Variants in CTNNA1 observed in about 807,000 individuals in gnomAD.
CTNNA1 encodes the protein catenin alpha-1.
A neutral mutation model predicts 98.4 loss-of-function variants in CTNNA1; 37 were observed. The ratio of observed to expected loss-of-function variants is 0.38; its 90% CI spans 0.29 to 0.49. The LOEUF (loss-of-function observed/expected upper bound fraction) is 0.49, where lower values mean the gene tolerates loss of function less well. Ranked by LOEUF, CTNNA1 falls within the 20% of genes least tolerant of loss-of-function variation. The probability of loss-of-function intolerance (pLI) is 0.95; values close to 1 mark genes in which losing one functional copy is unlikely to be tolerated. For synonymous variants in CTNNA1, 404 were observed against 413.2 expected, an observed-to-expected ratio of 0.98 and a Z score of 0.27; for missense variants, 761 against 1,147.2, an observed-to-expected ratio of 0.66 and a Z score of 4.86.
intron 11 of CTNNA1, among the ~76,000 whole-genome samples, chr5:138,918,989 C>G (rs569430246): frequency 1.6e-4 from 24 of 152,222 alleles, no homozygotes; most frequent in Non-Finnish European, 3.1e-4. Context: ...TCTTCACACT[C>G]TCTCCTTAGG....
At chr5:138,921,403 A>G (rs1338124503) in intron 11 of CTNNA1, among the ~76,000 whole-genome samples, 1 of 152,164 alleles carries the variant, frequency 6.6e-6, no homozygotes, top group Non-Finnish European at 1.5e-5. Context: ...AATGCTTTGG[A>G]GCAACACTTG....
At chr5:138,768,427 C>T (rs568883695) in intron 1 of CTNNA1, among the ~76,000 whole-genome samples, 1 of 145,614 alleles carries the variant, frequency 6.9e-6, no homozygotes, top group Non-Finnish European at 1.5e-5. Context: ...CCCAGCTAAG[C>T]TTTTTTTTTT....
chr5:138,823,600 A>G (rs988498079), intron 5 of CTNNA1, among the ~76,000 whole-genome samples: 5 of 152,122 alleles, frequency 3.3e-5, no homozygotes, highest in Non-Finnish European at 5.9e-5. Context: ...ATCCTCACCT[A>G]TTTATGTAGT....
intron 7 of CTNNA1, chr5:138,872,893 C>T: frequency 1.5e-6 from 1 of 646,942 alleles, no homozygotes; most frequent in Non-Finnish European, 2.5e-6. Context: ...ACTAAGTCTC[C>T]ACTTAGTTTG....
intron 3 of CTNNA1, among the ~76,000 whole-genome samples, chr5:138,807,109 C>A (rs897810553): frequency 6.7e-6 from 1 of 149,368 alleles, no homozygotes; most frequent in African/African-American, 2.5e-5. Context: ...CTCCTGGGTT[C>A]AAGTGATTTT....
chr5:138,769,221 A>C (rs1753260385), intron 1 of CTNNA1, among the ~76,000 whole-genome samples: 1 of 151,836 alleles, frequency 6.6e-6, no homozygotes, highest in South Asian at 2.1e-4. Flanking sequence ...AGTCTGGGTA[A>C]CTTCTCAGAC....
intron 8 of CTNNA1, among the ~76,000 whole-genome samples, chr5:138,886,680 T>A (rs1754103069): frequency 6.6e-6 from 1 of 152,182 alleles, no homozygotes; most frequent in African/African-American, 2.4e-5. Flanking sequence ...ACACTTGCAG[T>A]TCCCTTAGAT....
At chr5:138,912,366 C>G (rs1429423462) in intron 10 of CTNNA1, among the ~76,000 whole-genome samples, 1 of 151,858 alleles carries the variant, frequency 6.6e-6, no homozygotes, top group Non-Finnish European at 1.5e-5. Context: ...TTGAGGAAAT[C>G]CCAACACCTT....
intron 3 of CTNNA1, among the ~76,000 whole-genome samples, chr5:138,796,352 C>T (rs558821226): frequency 2.3e-4 from 35 of 151,628 alleles, no homozygotes; most frequent in Non-Finnish European, 4.3e-4. Context: ...GTCAGGAGAT[C>T]GAGACCACGG....
At chr5:138,820,493 T>A (rs115752747) in intron 5 of CTNNA1, among the ~76,000 whole-genome samples, 1 of 152,222 alleles carries the variant, frequency 6.6e-6, no homozygotes, top group Admixed American at 6.5e-5. Flanking sequence ...GGTCTGTATG[T>A]GTCCAAGGTG....
intron 9 of CTNNA1, among the ~76,000 whole-genome samples, chr5:138,895,923 G>C (rs1321471303): frequency 6.6e-6 from 1 of 152,090 alleles, no homozygotes; most frequent in Admixed American, 6.5e-5. Flanking sequence ...CTGTTGCTTT[G>C]ATAGAAATAC....
At chr5:138,834,007 A>G (rs1761538034) in intron 7 of CTNNA1, among the ~76,000 whole-genome samples, 1 of 152,204 alleles carries the variant, frequency 6.6e-6, no homozygotes, top group Non-Finnish European at 1.5e-5. Context: ...GATTTGGGTA[A>G]ATTTGATGTG....
intron 9 of CTNNA1, among the ~76,000 whole-genome samples, chr5:138,903,821 A>G (rs901333515): frequency 1.3e-5 from 2 of 152,044 alleles, no homozygotes; most frequent in African/African-American, 4.8e-5. Flanking sequence ...TGTTGTCTTC[A>G]TGTTATTTTT....
chr5:138,909,716 C>A (rs1760121019), intron 10 of CTNNA1, among the ~76,000 whole-genome samples: 1 of 152,114 alleles, frequency 6.6e-6, no homozygotes, highest in Non-Finnish European at 1.5e-5. Context: ...CTTCTGCCTC[C>A]CTAGATTTAT....
intron 1 of CTNNA1, among the ~76,000 whole-genome samples, chr5:138,760,830 A>G (rs1302276918): frequency 1.3e-5 from 2 of 152,208 alleles, no homozygotes; most frequent in Non-Finnish European, 2.9e-5. Context: ...TTGTCTGAGT[A>G]CTTGAAGTGG....
At chr5:138,827,896 T>C in intron 7 of CTNNA1, 178 bp downstream of exon 7, 3 of 665,222 alleles carry the variant, frequency 4.5e-6, no homozygotes, top group Non-Finnish European at 7.5e-6. Context: ...CTTTCCTCTC[T>C]CCAGCTTATT....
At chr5:138,881,636 T>C (rs189092020) in intron 7 of CTNNA1, among the ~76,000 whole-genome samples, 2 of 152,344 alleles carry the variant, frequency 1.3e-5, no homozygotes, top group African/African-American at 4.8e-5. Flanking sequence ...AAGATCTTCA[T>C]CTCTTGCTTT....
chr5:138,793,068 C>T (rs1756550612), intron 3 of CTNNA1, among the ~76,000 whole-genome samples: 1 of 152,198 alleles, frequency 6.6e-6, no homozygotes, highest in African/African-American at 2.4e-5. Context: ...CCAATTCATA[C>T]CTTTCAGATG....
chr5:138,811,195 T>C (rs1247459138), intron 4 of CTNNA1, among the ~76,000 whole-genome samples: 1 of 137,380 alleles, frequency 7.3e-6, no homozygotes, highest in South Asian at 2.4e-4. Flanking sequence ...TCCTCACTTC[T>C]CAGACGGGGC....
Sources: allele counts gnomAD v4.1 joint callset (sites outside exome capture counted in the v4.1 genomes callset), GRCh38; gene constraint gnomAD v4.1.1; transcripts MANE v1.5; gene names NCBI Gene and HGNC (gene_info 2026-07-23, HGNC 2026-07-21).